ATP10B: variants seen among roughly 807,000 people sequenced by gnomAD.
ATP10B encodes ATPase phospholipid transporting 10B (putative), also known as phospholipid-transporting ATPase VB.
A neutral mutation model predicts 141.2 loss-of-function variants in ATP10B; 122 were observed. That is an observed-to-expected ratio of 0.86 (90% CI 0.75 to 1.00). The LOEUF is 1.00. Ranked by LOEUF, ATP10B falls within the 50% of genes least tolerant of loss-of-function variation. ATP10B has a pLI of 0.00. For synonymous variants in ATP10B, 685 were observed against 692.0 expected, an observed-to-expected ratio of 0.99 and a Z score of 0.16; for missense variants, 1,876 against 1,825.3, an observed-to-expected ratio of 1.03 and a Z score of -0.51.
At chr5:160,626,145 TG>T (rs1758598920) in intron 13 of ATP10B, among the ~76,000 whole-genome samples, 1 of 152,260 alleles carries the variant, frequency 6.6e-6, no homozygotes, top group Non-Finnish European at 1.5e-5. Flanking sequence ...TACCCATTGC[TG>T]ACCATTGTCC....
At chr5:160,902,453 C>T in the ATP10B span, among the ~76,000 whole-genome samples, 4 of 152,116 alleles carry the variant, frequency 2.6e-5, no homozygotes, top group African/African-American at 9.7e-5. Flanking sequence ...CACTCAGCAA[C>T]ATGAGAGATT....
At position 160,620,409 on chromosome 5, in the gene ATP10B, A is replaced by G; in HGVS notation, c.2354T>C (p.Ile785Thr). Residue 785 changes from isoleucine (I) to threonine (T), a missense_variant, in exon 15 of 26, where the codon ATT becomes ACT. Physicochemically the swap from Ile to Thr is moderately conservative, Grantham distance 89. Transcript: ENST00000327245. ...VVVRHPLTGE[I>T]VVYTKGADSV... ...GTCAGCACCCTTGGTGTAGACAACA[A>G]TCTCGCCAGTCAGTGGGTGCCTCAC... 1 of 1,614,166 alleles carries G rather than the reference A, an allele frequency of 6.2e-7. No homozygotes were observed. The highest frequency in any genetic ancestry group is 2.2e-5 in the East Asian group (1 of 44,878).
At chr5:160,926,150 T>G in the ATP10B span, among the ~76,000 whole-genome samples, 2 of 152,206 alleles carry the variant, frequency 1.3e-5, no homozygotes, top group Admixed American at 1.3e-4. Flanking sequence ...GGCATGATAG[T>G]AGGCACTGGA....
the ATP10B span, among the ~76,000 whole-genome samples, chr5:160,898,177 G>T: frequency 2.0e-5 from 3 of 152,140 alleles, no homozygotes; most frequent in Non-Finnish European, 4.4e-5. Context: ...AAGAGCTTCT[G>T]CACAGCAAAA....
chr5:160,612,779 G>A lies in ATP10B; in HGVS notation c.2800C>T (p.Gln934Ter). Residue 934 changes from glutamine (Q) to a stop codon, truncating the protein, a stop_gained, in exon 18 of 26, where the codon CAG becomes TAG. Coordinates refer to ENST00000327245, the MANE Select transcript of ATP10B (RefSeq NM_025153.3). LOFTEE classifies it high-confidence loss of function. Reference sequence around the variant, plus strand: ...TTGATGGTATAAACAGTGTCGGTCTGATTTAACAGTCTGCAGGAATGGGCA... The same window carrying A: ...TTGATGGTATAAACAGTGTCGGTCTAATTTAACAGTCTGCAGGAATGGGCA... ...NIAHSCRLLNQTDTVYTINTE... is the reference protein window; with the variant it reads ...NIAHSCRLLN 6.2e-7 allele frequency: 1 copy of A among 1,614,018 alleles called. No homozygotes were observed. The highest frequency in any genetic ancestry group is 8.5e-7 in the Non-Finnish European group (1 of 1,179,966).
intron 1 of ATP10B, among the ~76,000 whole-genome samples, chr5:160,803,852 TTTG>T (rs1389941669): frequency 6.6e-6 from 1 of 152,198 alleles, no homozygotes; most frequent in Admixed American, 6.5e-5. Context: ...ATGATTTATA[TTTG>T]TTATTTATTT....
intron 10 of ATP10B, among the ~76,000 whole-genome samples, chr5:160,637,440 G>C (rs904569822): frequency 4.6e-5 from 7 of 152,176 alleles, no homozygotes; most frequent in Admixed American, 6.5e-5. Flanking sequence ...TGTGGAGTTT[G>C]CTTCCAAATT....
chr5:160,591,226 A>G, intron 22 of ATP10B, 87 bp from the exon 23 acceptor site: 1 of 1,027,190 alleles, frequency 9.7e-7, no homozygotes, highest in Non-Finnish European at 1.5e-6. Flanking sequence ...TGGCTGCGAC[A>G]GACAACCAGA....
At chr5:160,696,988 G>A (rs1342972869) in intron 3 of ATP10B, among the ~76,000 whole-genome samples, 2 of 152,216 alleles carry the variant, frequency 1.3e-5, no homozygotes, top group African/African-American at 4.8e-5. Flanking sequence ...AAGGGGAATA[G>A]AGTGATTTCT....
intron 1 of ATP10B, among the ~76,000 whole-genome samples, chr5:160,846,808 G>C (rs1776151227): frequency 6.6e-6 from 1 of 152,190 alleles, no homozygotes; most frequent in Admixed American, 6.5e-5. Context: ...GGGTTCCCAT[G>C]TTGGCTCTGT....
intron 1 of ATP10B, among the ~76,000 whole-genome samples, 153 bp downstream of exon 1, chr5:160,851,788 T>C (rs1203698610): frequency 6.6e-6 from 1 of 152,212 alleles, no homozygotes; most frequent in Admixed American, 6.5e-5. Context: ...AAAAGAAATG[T>C]GGATCTCGCA....
At position 160,687,827 on chromosome 5, in the gene ATP10B, G is replaced by A. The variant is rs1285044145; in HGVS notation, c.248C>T (p.Pro83Leu). The change falls in exon 5 of 26, where the codon CCC becomes CTC. Residue 83 changes from proline to leucine, a missense_variant. Transcript: ENST00000327245. ...ATGAAATTGCTCAAAGAGATTCCGG[G>A]GCAGGAAGGTGAAGAGGGTGTATTT... is the stretch of plus-strand genomic sequence containing the variant. ...TTKYTLFTFL[P>L]RNLFEQFHRW... The A allele has an allele frequency of 1.2e-6, 2 of 1,614,018 alleles. No homozygotes were observed. The highest frequency in any genetic ancestry group is 1.7e-6 in the Non-Finnish European group (2 of 1,179,964).
intron 7 of ATP10B, among the ~76,000 whole-genome samples, chr5:160,657,501 A>C (rs879317182): frequency 6.6e-6 from 1 of 152,196 alleles, no homozygotes; most frequent in Non-Finnish European, 1.5e-5. Flanking sequence ...AAAAGCAGGC[A>C]GATTGGGCTG....
chr5:160,641,401 C>T (rs1759854844), intron 9 of ATP10B, among the ~76,000 whole-genome samples: 1 of 152,180 alleles, frequency 6.6e-6, no homozygotes, highest in Non-Finnish European at 1.5e-5. Context: ...TGGGCAGCTC[C>T]ACTCCTATGT....
intron 2 of ATP10B, among the ~76,000 whole-genome samples, chr5:160,734,470 T>C (rs1205322186): frequency 6.6e-6 from 1 of 152,112 alleles, no homozygotes; most frequent in African/African-American, 2.4e-5. Context: ...AATAAATTTA[T>C]ATGATTGCAA....
chr5:160,581,660 T>C (rs1041796714), intron 24 of ATP10B, among the ~76,000 whole-genome samples: 3 of 152,196 alleles, frequency 2.0e-5, no homozygotes, highest in African/African-American at 7.2e-5. Context: ...AGATGTCTAT[T>C]AGGTCTGCTT....
intron 24 of ATP10B, among the ~76,000 whole-genome samples, chr5:160,570,253 T>C (rs1324440228): frequency 1.3e-5 from 2 of 152,178 alleles, no homozygotes; most frequent in African/African-American, 4.8e-5. Context: ...TCATATATAA[T>C]TAGGGTAATC....
At chr5:160,910,039 G>C in the ATP10B span, among the ~76,000 whole-genome samples, 1 of 152,140 alleles carries the variant, frequency 6.6e-6, no homozygotes, top group Admixed American at 6.5e-5. Context: ...TTAAAATATA[G>C]AGACTCCTCA....
At chr5:160,919,188 C>T in the ATP10B span, among the ~76,000 whole-genome samples, 4 of 123,666 alleles carry the variant, frequency 3.2e-5, no homozygotes, top group Non-Finnish European at 6.4e-5. Context: ...CGCGCCACTG[C>T]ACTCCAGCCT....
Sources: gnomAD v4.1 joint callset for allele counts (sites outside exome capture counted in the v4.1 genomes callset) on GRCh38, gnomAD v4.1.1 for gene constraint, MANE v1.5 for transcripts, NCBI Gene and HGNC (gene_info 2026-07-23, HGNC 2026-07-21) for gene names.